GALNTL6: variants seen among roughly 807,000 people sequenced by gnomAD.
GALNTL6 encodes polypeptide N-acetylgalactosaminyltransferase-like 6.
In GALNTL6, 46 loss-of-function variants were observed where a neutral mutation model predicts 73.7. The ratio of observed to expected loss-of-function variants is 0.62; its 90% CI spans 0.49 to 0.80. GALNTL6 has a LOEUF of 0.80. GALNTL6 is among the 30% of genes least tolerant of loss of function. GALNTL6 has a pLI of 0.00. For missense variants in GALNTL6, 604 were observed against 755.0 expected (o/e 0.80, Z 2.34); for synonymous variants, 259 against 263.7 (o/e 0.98, Z 0.17).
chr4:172,591,383 T>C (rs1369315376), intron 5 of GALNTL6, among the ~76,000 whole-genome samples: 1 of 150,842 alleles, frequency 6.6e-6, no homozygotes. Context: ...CAACCAGATA[T>C]GTTCCCATTA....
intron 2 of GALNTL6, among the ~76,000 whole-genome samples, chr4:171,978,224 A>T (rs986931165): frequency 6.6e-6 from 1 of 151,592 alleles, no homozygotes; most frequent in Non-Finnish European, 1.5e-5. Flanking sequence ...ATTTTAAAAT[A>T]TTCTAGGAAT....
chr4:172,853,737 G>A (rs914157252), intron 7 of GALNTL6, among the ~76,000 whole-genome samples: 1 of 152,060 alleles, frequency 6.6e-6, no homozygotes, highest in African/African-American at 2.4e-5. Context: ...TTGTTGAAAG[G>A]GCATTACAAG....
intron 5 of GALNTL6, among the ~76,000 whole-genome samples, chr4:172,416,280 T>C (rs144999278): frequency 2.0e-5 from 3 of 152,304 alleles, no homozygotes; most frequent in African/African-American, 7.2e-5. Context: ...AAAGAAAATA[T>C]TTCTGAATTG....
At chr4:172,282,517 G>A (rs1411140987) in intron 3 of GALNTL6, among the ~76,000 whole-genome samples, 2 of 152,180 alleles carry the variant, frequency 1.3e-5, no homozygotes, top group Non-Finnish European at 2.9e-5. Flanking sequence ...TAAACATCCT[G>A]AGGTAAGGAG....
Position 172,829,041 on chromosome 4 carries a change from C to G in GALNTL6, c.923+15318C>G, listed in dbSNP as rs146067094. On this transcript the variant is annotated intron_variant, in intron 7 of 12. Transcript: ENST00000506823. ...TAGCTTCTCCAAGCTGCATGCATTCCTTGGCTTGTGGAAGCATCGCTCTGG... is the reference window on the plus strand; with the variant it reads ...TAGCTTCTCCAAGCTGCATGCATTCGTTGGCTTGTGGAAGCATCGCTCTGG... Among the ~76,000 whole-genome samples the G allele has an allele frequency of 9.5e-3, 1,444 of 152,316 alleles. 14 individuals are homozygous for G. Among genetic ancestry groups the G allele is most frequent in the South Asian group, 0.047 (225 of 4,822 alleles).
chr4:172,631,276 C>A (rs1739387182), intron 5 of GALNTL6, among the ~76,000 whole-genome samples: 1 of 151,930 alleles, frequency 6.6e-6, no homozygotes, highest in Non-Finnish European at 1.5e-5. Flanking sequence ...TCCCGAGTAG[C>A]TGAGACTACA....
intron 2 of GALNTL6, among the ~76,000 whole-genome samples, chr4:172,221,104 T>C (rs1381972094): frequency 6.6e-6 from 1 of 151,932 alleles, no homozygotes; most frequent in Middle Eastern, 3.4e-3. Context: ...CTGGGTAACA[T>C]ACAAGTTGGA....
chr4:171,950,490 T>C (rs559885783), intron 2 of GALNTL6, among the ~76,000 whole-genome samples: 6 of 150,760 alleles, frequency 4.0e-5, no homozygotes, highest in Admixed American at 2.6e-4. Context: ...TTCTTTTTTT[T>C]TTTTTTTTGA....
intron 5 of GALNTL6, among the ~76,000 whole-genome samples, chr4:172,401,710 T>C (rs535043120): frequency 2.6e-5 from 4 of 152,274 alleles, no homozygotes; most frequent in African/African-American, 7.2e-5. Flanking sequence ...TAGAAAGTTG[T>C]ATCATCACAT....
intron 4 of GALNTL6, among the ~76,000 whole-genome samples, chr4:172,346,343 A>G (rs1578979062): frequency 6.6e-6 from 1 of 152,288 alleles, no homozygotes; most frequent in African/African-American, 2.4e-5. Context: ...ATTATTTGAA[A>G]CCTTCAATAT....
chr4:172,015,333 A>T lies in GALNTL6; in HGVS notation c.138+200615A>T, dbSNP rs13116950. On this transcript the variant is annotated intron_variant, in intron 2 of 12. Transcript: ENST00000506823. Reference sequence around the variant, plus strand: ...GTCCTTCTTTCTCTTTGTTGCTTTAAGGTATCTTTCATGTGATATAAAAAT... The same window carrying T: ...GTCCTTCTTTCTCTTTGTTGCTTTATGGTATCTTTCATGTGATATAAAAAT... Among the ~76,000 whole-genome samples the T allele has an allele frequency of 2.3e-3, 343 of 152,036 alleles. 1 individual carries two copies. The highest frequency in any genetic ancestry group is 7.8e-3 in the African/African-American group (322 of 41,506).
chr4:172,586,009 A>G (rs890472713), intron 5 of GALNTL6, among the ~76,000 whole-genome samples: 2 of 152,190 alleles, frequency 1.3e-5, no homozygotes, highest in African/African-American at 4.8e-5. Flanking sequence ...GTCAGGAAAA[A>G]TAGATGCTGG....
chr4:172,846,226 T>C (rs1743499166), intron 7 of GALNTL6, among the ~76,000 whole-genome samples: 1 of 152,216 alleles, frequency 6.6e-6, no homozygotes. Flanking sequence ...TCAATGTGTT[T>C]GCAGGCCAAC....
Position 172,252,159 on chromosome 4 carries a change from T to C in GALNTL6, c.247+22395T>C, listed in dbSNP as rs116195701. Among the ~76,000 whole-genome samples, 1,363 of 152,236 alleles carry C rather than the reference T, an allele frequency of 9.0e-3. 29 individuals are homozygous for C. Among genetic ancestry groups the C allele is most frequent in the African/African-American group, 0.031 (1,300 of 41,544 alleles). On this transcript the variant is annotated intron_variant, in intron 3 of 12. Coordinates refer to ENST00000506823, the MANE Select transcript of GALNTL6 (RefSeq NM_001034845.3). ...AAATATAAAAAGAAAGTATAATGGA[T>C]ATCAAGAAAGATTTCAGTCCAAAGG...
chr4:172,866,569 C>T (rs377267668), intron 7 of GALNTL6, among the ~76,000 whole-genome samples: 3 of 152,190 alleles, frequency 2.0e-5, no homozygotes, highest in South Asian at 4.1e-4. Flanking sequence ...GTTATTGTTA[C>T]ATTACCTTAC....
chr4:172,514,097 CAAGCTTGCCCT>C (rs1259813943), intron 5 of GALNTL6, among the ~76,000 whole-genome samples: 1 of 152,128 alleles, frequency 6.6e-6, no homozygotes, highest in Admixed American at 6.5e-5. Context: ...AGAAGGGATA[CAAGCTTGCCCT>C]AAGGTCACCT....
intron 5 of GALNTL6, among the ~76,000 whole-genome samples, chr4:172,577,062 G>A (rs945463930): frequency 6.6e-6 from 1 of 152,140 alleles, no homozygotes; most frequent in African/African-American, 2.4e-5. Flanking sequence ...CAGAACCAGA[G>A]AGCCCATGAC....
At chr4:172,320,168 C>G (rs987824530) in intron 4 of GALNTL6, among the ~76,000 whole-genome samples, 2 of 152,128 alleles carry the variant, frequency 1.3e-5, no homozygotes, top group East Asian at 3.9e-4. Flanking sequence ...AACAGAGGCT[C>G]TACGTGGGGT....
chr4:172,834,405 C>T (rs1742801981), intron 7 of GALNTL6, among the ~76,000 whole-genome samples: 1 of 152,212 alleles, frequency 6.6e-6, no homozygotes, highest in African/African-American at 2.4e-5. Context: ...GCGAGGTAAG[C>T]ATGGGCAATC....
Sources: gnomAD v4.1 joint callset for allele counts (sites outside exome capture counted in the v4.1 genomes callset) on GRCh38, gnomAD v4.1.1 for gene constraint, MANE v1.5 for transcripts, NCBI Gene and HGNC (gene_info 2026-07-23, HGNC 2026-07-21) for gene names.